Variants in FDFT1 observed in about 807,000 individuals in gnomAD.
FDFT1 encodes the protein squalene synthase.
In FDFT1, 68 loss-of-function variants were observed where a neutral mutation model predicts 46.8. The observed-to-expected ratio is 1.45, with a 90% CI of 1.19 to 1.78. The LOEUF (loss-of-function observed/expected upper bound fraction) is 1.78, where lower values mean the gene tolerates loss of function less well. FDFT1 is among the 40% of genes most tolerant of loss of function. FDFT1 has a pLI of 0.00. For missense variants in FDFT1, 928 were observed against 524.4 expected, an observed-to-expected ratio of 1.77 and a Z score of -7.52; for synonymous variants, 351 against 185.1, an observed-to-expected ratio of 1.90 and a Z score of -7.28.
chr8:11,804,529 C>T (rs1024450035), intron 1 of FDFT1, among the ~76,000 whole-genome samples: 6 of 151,764 alleles, frequency 4.0e-5, no homozygotes, highest in Non-Finnish European at 5.9e-5. Flanking sequence ...TAAAAAAATA[C>T]CTGAACCTTT....
chr8:11,835,018 G>A (rs546686585), intron 7 of FDFT1, among the ~76,000 whole-genome samples: 3 of 152,126 alleles, frequency 2.0e-5, no homozygotes, highest in Admixed American at 6.5e-5. Flanking sequence ...CAGCTATTCC[G>A]GAGCCTGAGA....
chr8:11,830,974 C>A (rs1810694547), intron 6 of FDFT1, among the ~76,000 whole-genome samples: 2 of 152,196 alleles, frequency 1.3e-5, no homozygotes. Context: ...GTTCTAATGA[C>A]CAACTTCGAA....
At chr8:11,796,983 C>T (rs1012580524) in intron 1 of FDFT1, among the ~76,000 whole-genome samples, 5 of 152,256 alleles carry the variant, frequency 3.3e-5, no homozygotes, top group Admixed American at 1.3e-4. Context: ...TCTATATCTA[C>T]TTTTAATTGC....
intron 3 of FDFT1, among the ~76,000 whole-genome samples, chr8:11,815,337 C>G (rs532182032): frequency 1.3e-5 from 2 of 152,110 alleles, no homozygotes; most frequent in Admixed American, 1.3e-4. Flanking sequence ...CATACATGTG[C>G]TTGTGTCTTC....
intron 3 of FDFT1, among the ~76,000 whole-genome samples, chr8:11,821,123 A>G (rs943147935): frequency 6.6e-6 from 1 of 152,190 alleles, no homozygotes; most frequent in African/African-American, 2.4e-5. Flanking sequence ...TCTCATAATG[A>G]GGTTTCTCTA....
intron 4 of FDFT1, among the ~76,000 whole-genome samples, chr8:11,824,930 T>C (rs1585961406): frequency 6.6e-6 from 1 of 151,736 alleles, no homozygotes; most frequent in Non-Finnish European, 1.5e-5. Flanking sequence ...AGAGACGGGG[T>C]TTCACCGTCT....
chr8:11,796,431 T>G (rs141582581), intron 1 of FDFT1, among the ~76,000 whole-genome samples: 4 of 152,312 alleles, frequency 2.6e-5, no homozygotes, highest in Admixed American at 2.6e-4. Context: ...CCACTGAACA[T>G]GGTAGAAGTA....
At chr8:11,826,001 G>A (rs1809920514) in intron 4 of FDFT1, 23 bp from the exon 5 acceptor site, 5 of 1,495,658 alleles carry the variant, frequency 3.3e-6, no homozygotes, top group Middle Eastern at 3.6e-4. Context: ...TTATTAAAGT[G>A]CTTTAAAAAT....
At chr8:11,832,898 C>A (rs1811035480) in intron 7 of FDFT1, among the ~76,000 whole-genome samples, 1 of 152,164 alleles carries the variant, frequency 6.6e-6, no homozygotes, top group Non-Finnish European at 1.5e-5. Flanking sequence ...TTTTGTGCAT[C>A]CGTCTAGTCC....
intron 4 of FDFT1, among the ~76,000 whole-genome samples, chr8:11,823,404 T>C (rs1450871680): frequency 6.6e-6 from 1 of 152,196 alleles, no homozygotes; most frequent in Admixed American, 6.5e-5. Flanking sequence ...TTCTAGTAAT[T>C]CTTTTGAAGA....
chr8:11,818,750 T>C (rs368128416), intron 3 of FDFT1, among the ~76,000 whole-genome samples: 7 of 152,224 alleles, frequency 4.6e-5, no homozygotes, highest in East Asian at 1.9e-4. Flanking sequence ...TGTGCATCTC[T>C]GCACGTGAGA....
chr8:11,838,510 C>T lies in FDFT1; in HGVS notation c.1155C>T (p.Ile385=). 1 of 1,608,546 alleles carries T rather than the reference C, an allele frequency of 6.2e-7. No homozygotes were observed. Among genetic ancestry groups the T allele is most frequent in the Non-Finnish European group, 8.5e-7 (1 of 1,176,718 alleles). ...QLISRSHYSP[I]YLSFVMLLAA... is the part of the protein sequence containing the mutation. ...TTTCCCGAAGCCACTACTCCCCCAT[C>T]TACCTGTCGTTTGTCATGCTTTTGG... Residue 385 remains isoleucine, a synonymous_variant, in exon 8 of 8, where the codon ATC becomes ATT. Transcript: ENST00000220584.
At chr8:11,830,474 A>C (rs1810626524) in intron 6 of FDFT1, 54 bp downstream of exon 6, 2 of 1,308,966 alleles carry the variant, frequency 1.5e-6, no homozygotes, top group African/African-American at 1.5e-5. Context: ...GTGGGGTAGG[A>C]GTAAGGGTGG....
At position 11,830,177 on chromosome 8, in the gene FDFT1, T is replaced by A. The variant is rs535588750; in HGVS notation, c.703-67T>A. 130 of 1,273,770 alleles carry A rather than the reference T, an allele frequency of 1.0e-4. 2 individuals are homozygous for A. The African/African-American group carries it at 1.7e-3, about 16-fold the overall frequency. 78.9% of individuals were successfully genotyped at this position (1,273,770 alleles called of 1,614,324 possible). A position where few individuals can be genotyped will look rare whatever the true frequency, so the allele number is the denominator to read the frequency against. The stretch of plus-strand genomic sequence containing the variant: ...ATAGTTCTTATGCACAAAGACCCTT[T>A]AATATTGTTTGTAAATTCTCCCCTA... On this transcript the variant is annotated intron_variant, in intron 5 of 7. Coordinates refer to ENST00000220584, the MANE Select transcript of FDFT1 (RefSeq NM_004462.5).
At chr8:11,817,161 A>T (rs1808573146) in intron 3 of FDFT1, among the ~76,000 whole-genome samples, 1 of 152,072 alleles carries the variant, frequency 6.6e-6, no homozygotes, top group South Asian at 2.1e-4. Flanking sequence ...TGTTTATGTG[A>T]TGGATGATGT....
intron 5 of FDFT1, among the ~76,000 whole-genome samples, chr8:11,829,549 C>G (rs73549724): frequency 1.3e-3 from 198 of 152,318 alleles, no homozygotes; most frequent in African/African-American, 4.4e-3. Context: ...AGAAGGTTTA[C>G]TGTTTAGTCT....
chr8:11,797,782 G>C (rs1805716500), upstream of FDFT1: 2 of 152,268 alleles, frequency 1.3e-5, no homozygotes, highest in Non-Finnish European at 1.5e-5. Flanking sequence ...AGGTGGCTAG[G>C]CAAGGAGCAG....
At chr8:11,798,063 A>G (rs1805741049), upstream of FDFT1, 1 of 138,892 alleles carries the variant, frequency 7.2e-6, no homozygotes, top group Non-Finnish European at 1.6e-5. Context: ...AAGGATTATA[A>G]TCAAGTGTGT....
chr8:11,812,545 G>C (rs1807874794), intron 3 of FDFT1, among the ~76,000 whole-genome samples: 1 of 152,194 alleles, frequency 6.6e-6, no homozygotes, highest in Admixed American at 6.5e-5. Flanking sequence ...AACTCTGAGG[G>C]ACTAAGAATT....
Sources: gnomAD v4.1 joint callset for allele counts (sites outside exome capture counted in the v4.1 genomes callset) on GRCh38, gnomAD v4.1.1 for gene constraint, MANE v1.5 for transcripts, NCBI Gene and HGNC (gene_info 2026-07-23, HGNC 2026-07-21) for gene names.